The following RORA variants were observed in gnomAD, a reference collection of about 807,000 sequenced individuals.
The protein encoded by RORA is RAR related orphan receptor A.
Under a neutral mutation model 69.5 loss-of-function variants are expected in RORA, and 7 were observed. The observed-to-expected ratio is 0.10, with a 90% CI of 0.06 to 0.19. RORA has a LOEUF of 0.19. Among genes scored for constraint, RORA ranks in the 10% least tolerant of loss-of-function variants. RORA has a pLI of 1.00. For missense variants in RORA, 457 were observed against 663.0 expected, an observed-to-expected ratio of 0.69 and a Z score of 3.41; for synonymous variants, 261 against 240.8, an observed-to-expected ratio of 1.08 and a Z score of -0.78.
intron 1 of RORA, among the ~76,000 whole-genome samples, chr15:61,210,956 G>A (rs909621169): frequency 6.6e-6 from 1 of 152,204 alleles, no homozygotes; most frequent in African/African-American, 2.4e-5. Context: ...TGGCCAAGGC[G>A]AAAGCAGTCA....
At chr15:60,841,081 T>C in intron 1 of RORA, 1 of 985,174 alleles carries the variant, frequency 1.0e-6, no homozygotes, top group South Asian at 4.7e-5. Context: ...AAATGTTGAC[T>C]GACTCCCCGT....
chr15:61,119,883 C>T (rs73430891), intron 1 of RORA, among the ~76,000 whole-genome samples: 1 of 152,268 alleles, frequency 6.6e-6, no homozygotes, highest in East Asian at 1.9e-4. Context: ...CAGATGCCCA[C>T]CCACTCACTG....
chr15:60,519,222 G>A (rs1310152503), intron 3 of RORA, among the ~76,000 whole-genome samples: 1 of 151,676 alleles, frequency 6.6e-6, no homozygotes, highest in Non-Finnish European at 1.5e-5. Flanking sequence ...GTGTCTTATG[G>A]TACCTGATTA....
Position 60,502,775 on chromosome 15 carries a change from C to T in RORA, c.1168G>A (p.Val390Ile), listed in dbSNP as rs140807738. The change falls in exon 8 of 11, where the codon GTC becomes ATC. Residue 390 changes from valine to isoleucine, a missense_variant. This residue lies in a region of RORA where 304 missense variants were observed against 447.4 expected (regional missense o/e 0.68). Coordinates refer to ENST00000335670, the MANE Select transcript of RORA (RefSeq NM_134261.3). ...YFDGKYASPDVFKSLGCEDFI... is the reference protein window; with the variant it reads ...YFDGKYASPDIFKSLGCEDFI... ...ATCCCCTTACCTAAGGATTTGAAGA[C>T]GTCGGGGCTGGCATACTTCCCATCA... is the stretch of plus-strand genomic sequence containing the variant. 56 of 1,611,400 alleles carry T rather than the reference C, an allele frequency of 3.5e-5. No homozygotes were observed. The highest frequency in any genetic ancestry group is 2.4e-4 in the African/African-American group (18 of 74,928).
chr15:61,083,614 G>A (rs1403465094), intron 1 of RORA, among the ~76,000 whole-genome samples: 1 of 151,796 alleles, frequency 6.6e-6, no homozygotes, highest in East Asian at 1.9e-4. Flanking sequence ...TGCTGTGTTT[G>A]TTCATCTGGA....
At chr15:60,647,650 C>T (rs2070071675) in intron 2 of RORA, among the ~76,000 whole-genome samples, 1 of 152,170 alleles carries the variant, frequency 6.6e-6, no homozygotes, top group African/African-American at 2.4e-5. Context: ...ATCACAAAGG[C>T]TGTCTCTGCA....
Position 61,014,558 on chromosome 15 carries a change from G to C in RORA, c.166+214495C>G, listed in dbSNP as rs974686796. 2.6e-5 allele frequency among the ~76,000 whole-genome samples: 4 copies of C among 152,232 alleles called. No individual in the cohort carries two copies. The East Asian group carries it at 7.7e-4, about 29-fold the overall frequency. On this transcript the variant is annotated intron_variant, in intron 1 of 10. Transcript: ENST00000335670. ...TTAGAATTTATGCTCTTCTGAATTT[G>C]TATTCTGTGAACCTCATTTCCAAAG...
chr15:60,581,673 C>T (rs891595212), intron 2 of RORA, among the ~76,000 whole-genome samples: 4 of 152,184 alleles, frequency 2.6e-5, no homozygotes, highest in African/African-American at 9.7e-5. Context: ...TGAATATTAT[C>T]AAACCCCACT....
Position 60,511,404 on chromosome 15 carries a change from T to A in RORA, c.642A>T (p.Ala214=). 1 of 1,614,198 alleles carries A rather than the reference T, an allele frequency of 6.2e-7. No individual in the cohort carries two copies. The highest frequency in any genetic ancestry group is 8.5e-7 in the Non-Finnish European group (1 of 1,180,024). ...GGTAGAAGCTGCTGACGGCGGAGTC[T>A]GCCTTACTCCCCTCAGGGGTGTGCC... ...IDGHTPEGSK[A]DSAVSSFYLD... The change falls in exon 5 of 11, where the codon GCA becomes GCT. Residue 214 remains alanine (A), a synonymous_variant. Coordinates refer to ENST00000335670, the MANE Select transcript of RORA (RefSeq NM_134261.3). The surrounding 1 kb of genome is among the most constrained non-coding windows in gnomAD (Gnocchi z 6.4).
intron 1 of RORA, among the ~76,000 whole-genome samples, chr15:60,776,208 A>T (rs1179355654): frequency 7.1e-6 from 1 of 140,694 alleles, no homozygotes; most frequent in Admixed American, 6.9e-5. Flanking sequence ...CCTCGTCCCA[A>T]CTCCTACTCC....
chr15:60,805,202 C>T (rs1183139501), intron 1 of RORA, among the ~76,000 whole-genome samples: 1 of 152,184 alleles, frequency 6.6e-6, no homozygotes, highest in South Asian at 2.1e-4. Context: ...TCCTCTGACA[C>T]GCAAGGGAAC....
intron 1 of RORA, among the ~76,000 whole-genome samples, chr15:61,158,660 G>A (rs1392155800): frequency 6.6e-6 from 1 of 152,156 alleles, no homozygotes; most frequent in Non-Finnish European, 1.5e-5. Context: ...ATTTCCCTCA[G>A]TTCGCAGATG....
At chr15:60,642,273 A>C (rs1480973284) in intron 2 of RORA, among the ~76,000 whole-genome samples, 1 of 152,192 alleles carries the variant, frequency 6.6e-6, no homozygotes, top group Non-Finnish European at 1.5e-5. Context: ...CTAACTTAAA[A>C]AGGAGGGGAT....
intron 2 of RORA, among the ~76,000 whole-genome samples, chr15:60,653,866 G>T (rs565363629): frequency 1.3e-5 from 2 of 151,928 alleles, no homozygotes; most frequent in Admixed American, 1.3e-4. Context: ...TTTGCCTAAT[G>T]TTATGATTTG....
intron 1 of RORA, among the ~76,000 whole-genome samples, chr15:60,831,058 C>T (rs1033003145): frequency 5.3e-5 from 8 of 152,132 alleles, no homozygotes; most frequent in Admixed American, 6.5e-5. Context: ...CCTGGAGAGG[C>T]GATAGTGAAA....
intron 3 of RORA, chr15:60,519,827 TAAAC>T (rs60817920): frequency 0.14 from 20,892 of 151,724 alleles, 1,486 homozygotes; most frequent in Middle Eastern, 0.24. Flanking sequence ...CTAGCTCATT[TAAAC>T]AAACAAACAA....
chr15:61,153,748 T>C (rs1199986981), intron 1 of RORA, among the ~76,000 whole-genome samples: 4 of 147,564 alleles, frequency 2.7e-5, no homozygotes, highest in African/African-American at 5.0e-5. Context: ...ACCTTGTGTA[T>C]TTTGGATTGT....
At chr15:60,892,242 C>T (rs1279801267) in intron 1 of RORA, among the ~76,000 whole-genome samples, 2 of 152,204 alleles carry the variant, frequency 1.3e-5, no homozygotes, top group Non-Finnish European at 2.9e-5. Flanking sequence ...TGGGTAACAG[C>T]ACACTCAGAT....
rs552367894 is a variant in RORA, at chr15:60,840,622, A to G, written c.167-161936T>C. Among the ~76,000 whole-genome samples the G allele has an allele frequency of 2.0e-5, 3 of 152,366 alleles. No individual in the cohort carries two copies. In the East Asian group the frequency reaches 5.8e-4, roughly 29 times the overall value. ...GTTTGCTCAGCTGCCTTTTCCCTCC[A>G]GAGAGGGACACTGCATGTGTCCCGC... On this transcript the variant is annotated intron_variant, in intron 1 of 10. Transcript: ENST00000335670.
Sources: gnomAD v4.1 joint callset for allele counts (sites outside exome capture counted in the v4.1 genomes callset) on GRCh38, gnomAD v4.1.1 for gene constraint, gnomAD v4.1.1 regional missense constraint, Gnocchi (gnomAD v3.1) non-coding constraint, MANE v1.5 for transcripts, NCBI Gene and HGNC (gene_info 2026-07-23, HGNC 2026-07-21) for gene names.